Variants in KTN1 observed in about 807,000 individuals in gnomAD.
The protein encoded by KTN1 is kinectin 1.
In KTN1, 130 loss-of-function variants were observed where a neutral mutation model predicts 222.5. The ratio of observed to expected loss-of-function variants is 0.58; its 90% CI spans 0.51 to 0.68. The LOEUF (loss-of-function observed/expected upper bound fraction) is 0.68, where lower values mean the gene tolerates loss of function less well. KTN1 is among the 30% of genes least tolerant of loss of function. The pLI is 0.00. For synonymous variants in KTN1, 512 were observed against 496.3 expected (o/e 1.03, Z -0.42); for missense variants, 1,508 against 1,500.4 (o/e 1.01, Z -0.08).
intron 32 of KTN1, chr14:55,662,918 T>TGCAGCA: frequency 2.2e-6 from 1 of 455,914 alleles, no homozygotes; most frequent in Non-Finnish European, 4.4e-6. Flanking sequence ...GGCATGGTAA[T>TGCAGCA]GCAGCAGCAG....
At chr14:55,629,142 C>T (rs925508143) in intron 6 of KTN1, among the ~76,000 whole-genome samples, 3 of 152,086 alleles carry the variant, frequency 2.0e-5, no homozygotes, top group Admixed American at 6.5e-5. Flanking sequence ...AGTGGCCGGG[C>T]GCAGTGGCTC....
At chr14:55,652,598 A>C (rs1211171309) in intron 25 of KTN1, among the ~76,000 whole-genome samples, 2 of 151,910 alleles carry the variant, frequency 1.3e-5, no homozygotes, top group South Asian at 2.1e-4. Flanking sequence ...ACGGGGTTTC[A>C]CCGTGTTAGC....
intron 1 of KTN1, among the ~76,000 whole-genome samples, chr14:55,598,451 A>AT (rs2035431223): frequency 6.6e-6 from 1 of 151,804 alleles, no homozygotes; most frequent in Non-Finnish European, 1.5e-5. Flanking sequence ...AAAAAAAAAA[A>AT]GAATATTGGT....
At chr14:55,680,458 A>T in intron 43 of KTN1, 2 of 286,362 alleles carry the variant, frequency 7.0e-6, no homozygotes, top group South Asian at 7.3e-5. Flanking sequence ...TAGAGTATTC[A>T]GATATGCACT....
intron 20 of KTN1, 34 bp from the exon 21 acceptor site, chr14:55,648,768 A>C: frequency 7.2e-7 from 1 of 1,388,828 alleles, no homozygotes; most frequent in Non-Finnish European, 1.0e-6. Context: ...TTCAGAGAGT[A>C]AAATCATGTT....
chr14:55,629,832 G>A (rs1033152721), intron 6 of KTN1, 125 bp from the exon 7 acceptor site: 14 of 709,086 alleles, frequency 2.0e-5, no homozygotes, highest in Admixed American at 5.5e-5. Flanking sequence ...TTTTAAGCAA[G>A]TACTTAATGT....
chr14:55,604,239 A>G (rs765925038), intron 1 of KTN1, among the ~76,000 whole-genome samples: 12 of 152,096 alleles, frequency 7.9e-5, no homozygotes, highest in Non-Finnish European at 1.3e-4. Context: ...TCTTGCTCAT[A>G]TATAGCAGGT....
At chr14:55,600,257 T>C (rs114015096) in intron 1 of KTN1, among the ~76,000 whole-genome samples, 2 of 152,188 alleles carry the variant, frequency 1.3e-5, no homozygotes, top group African/African-American at 4.8e-5. Flanking sequence ...TAACCCATTA[T>C]GTTCAACTTT....
intron 43 of KTN1, chr14:55,682,990 C>G (rs1402188544): frequency 6.6e-6 from 1 of 152,068 alleles, no homozygotes; most frequent in Non-Finnish European, 1.5e-5. Flanking sequence ...AGGTGAAGCT[C>G]TGTGTGTACT....
rs149608435 is a variant in KTN1 at position 55,593,162 on chromosome 14, TG to T, written c.-31+12809del. 9.1e-3 allele frequency among the ~76,000 whole-genome samples: 1,380 copies of T among 152,264 alleles called. 8 individuals are homozygous for T. The highest frequency in any genetic ancestry group is 0.025 in the South Asian group (122 of 4,822). ...CATAATCACCTGTTTCAATTCTCTT[TG>T]TTTGGCAACCCTTTTGCTACTTAGA... is the stretch of plus-strand genomic sequence containing the variant. On this transcript the variant is annotated intron_variant, in intron 1 of 43. Coordinates refer to ENST00000395314, the MANE Select transcript of KTN1 (RefSeq NM_001079521.2).
intron 28 of KTN1, among the ~76,000 whole-genome samples, chr14:55,654,037 A>G (rs2043203305): frequency 6.6e-6 from 1 of 152,166 alleles, no homozygotes; most frequent in South Asian, 2.1e-4. Context: ...ATTTATAGGG[A>G]AAATGGAACT....
In KTN1 at chr14:55,679,639, G is replaced by A. The variant is rs11546; in HGVS notation, c.4023G>A (p.Ala1341=). 142,966 of 1,612,552 alleles carry A rather than the reference G, an allele frequency of 0.089. 6,638 individuals are homozygous for A. The highest frequency in any genetic ancestry group is 0.1 in the South Asian group (9,521 of 90,984). ...CACAGTTACAGCAGTTGCTTCAGGC[G>A]GTAAACCAACAGCTCACAAAGGAGA... The part of the protein sequence containing the change: ...TVTQLQQLLQ[A]VNQQLTKEKE... Residue 1341 remains alanine (A), a synonymous_variant, in exon 43 of 44, where the codon GCG becomes GCA. Coordinates refer to ENST00000395314, the MANE Select transcript of KTN1 (RefSeq NM_001079521.2).
In KTN1 at chr14:55,640,918, T is replaced by C; in HGVS notation, c.1984-15T>C. ...CCTGTGAAGTGATATCATTTTCTTC[T>C]CATTCCACACACAGGCTGCTGCTGC... On this transcript the variant is annotated splice_polypyrimidine_tract_variant and intron_variant, in intron 15 of 43. Transcript: ENST00000395314. 1.2e-6 allele frequency: 2 copies of C among 1,610,188 alleles called. No homozygotes were observed. Among genetic ancestry groups the C allele is most frequent in the Non-Finnish European group, 1.7e-6 (2 of 1,177,408 alleles).
intron 5 of KTN1, among the ~76,000 whole-genome samples, chr14:55,620,715 G>A (rs2039022393): frequency 6.6e-6 from 1 of 152,124 alleles, no homozygotes; most frequent in East Asian, 1.9e-4. Flanking sequence ...ACAGCAGGGG[G>A]GCCCTGGGCC....
At chr14:55,618,177 C>T in intron 4 of KTN1, 43 bp downstream of exon 4, 3 of 1,414,176 alleles carry the variant, frequency 2.1e-6, no homozygotes, top group African/African-American at 1.4e-5. Context: ...TATAAAAACA[C>T]ATTTCTGAGT....
chr14:55,621,748 A>G (rs1487670023), intron 5 of KTN1, among the ~76,000 whole-genome samples: 1 of 152,100 alleles, frequency 6.6e-6, no homozygotes, highest in African/African-American at 2.4e-5. Context: ...CATATCATAT[A>G]TTCACACTAA....
intron 28 of KTN1, among the ~76,000 whole-genome samples, chr14:55,653,885 T>C (rs1278329861): frequency 6.6e-6 from 1 of 152,166 alleles, no homozygotes; most frequent in Non-Finnish European, 1.5e-5. Flanking sequence ...AAACAAAATA[T>C]GCAATTATTA....
rs2045851809 is a variant in KTN1 at position 55,675,893 on chromosome 14, A to C, written c.3830A>C (p.Gln1277Pro). Residue 1277 changes from glutamine to proline, a missense_variant, in exon 41 of 44, where the codon CAG (glutamine) becomes CCG (proline). Gln to Pro is a moderately conservative substitution (Grantham distance 76). Coordinates refer to ENST00000395314, the MANE Select transcript of KTN1 (RefSeq NM_001079521.2). ...TKLRTEQNERQKVAGDLHKAQ... is the reference protein window; with the variant it reads ...TKLRTEQNERPKVAGDLHKAQ... ...CTTAGAACTGAACAAAATGAAAGAC[A>C]GAAGGTAGCTGGTGATTTGCATAAG... 4 of 1,613,402 alleles carry C rather than the reference A, an allele frequency of 2.5e-6. No individual in the cohort carries two copies. The East Asian group carries it at 6.7e-5, about 27-fold the overall frequency.
intron 1 of KTN1, among the ~76,000 whole-genome samples, chr14:55,600,202 C>T (rs2035762226): frequency 6.6e-6 from 1 of 151,020 alleles, no homozygotes; most frequent in African/African-American, 2.4e-5. Context: ...GTTGAGTGAC[C>T]TAAGGTGATA....
Sources: allele counts gnomAD v4.1 joint callset (sites outside exome capture counted in the v4.1 genomes callset), GRCh38; gene constraint gnomAD v4.1.1; transcripts MANE v1.5; gene names NCBI Gene and HGNC (gene_info 2026-07-23, HGNC 2026-07-21).